Variants in COPG2 observed in about 807,000 individuals in gnomAD.
COPG2 encodes coat protein complex I subunit gamma 2.
Under a neutral mutation model 46.3 loss-of-function variants are expected in COPG2, and 37 were observed. The ratio of observed to expected loss-of-function variants is 0.80; its 90% CI spans 0.61 to 1.05. The LOEUF (loss-of-function observed/expected upper bound fraction) is 1.05, where lower values mean the gene tolerates loss of function less well. COPG2 is among the 50% of genes least tolerant of loss of function. COPG2 has a pLI of 0.00. For missense variants in COPG2, 427 were observed against 387.8 expected, an observed-to-expected ratio of 1.10 and a Z score of -0.85; for synonymous variants, 159 against 129.7, an observed-to-expected ratio of 1.23 and a Z score of -1.53.
chr7:130,514,395 T>G (rs564773268), intron 20 of COPG2, among the ~76,000 whole-genome samples: 1 of 152,256 alleles, frequency 6.6e-6, no homozygotes, highest in African/African-American at 2.4e-5. Context: ...CTCTATATAA[T>G]TAAGGGAGGG....
intron 9 of COPG2, among the ~76,000 whole-genome samples, chr7:130,594,898 C>T (rs140516832): frequency 3.3e-5 from 5 of 152,262 alleles, no homozygotes; most frequent in African/African-American, 1.2e-4. Flanking sequence ...AAATTGGGCT[C>T]TCAAACACTA....
At chr7:130,648,986 GCT>G (rs1795677209) in intron 5 of COPG2, among the ~76,000 whole-genome samples, 1 of 152,038 alleles carries the variant, frequency 6.6e-6, no homozygotes, top group African/African-American at 2.4e-5. Context: ...TCTCTCTCTA[GCT>G]CTGAGTTGCT....
At chr7:130,612,752 TG>T (rs1388509723) in intron 7 of COPG2, among the ~76,000 whole-genome samples, 2 of 151,652 alleles carry the variant, frequency 1.3e-5, no homozygotes, top group African/African-American at 4.8e-5. Context: ...GAAAGAAAAA[TG>T]TATTACTAAA....
At chr7:130,652,718 A>G (rs1795772402) in intron 5 of COPG2, 151 bp downstream of exon 5, 2 of 627,394 alleles carry the variant, frequency 3.2e-6, no homozygotes, top group East Asian at 3.0e-5. Flanking sequence ...TGGCTTTCAC[A>G]TGATGAAAAC....
chr7:130,617,044 T>A lies in COPG2; in HGVS notation c.345A>T (p.Gly115=). Residue 115 remains glycine (G), a synonymous_variant, in exon 6 of 24, where the codon GGA becomes GGT. Coordinates refer to ENST00000425248, the MANE Select transcript of COPG2 (RefSeq NM_012133.6). ...VTSSLTKDMT[G]KEDVYRGPAI... is the part of the protein sequence containing the mutation. ...CCGGGCCTCGGTATACATCTTCTTT[T>A]CCAGTCATGTCTTTAGTCAGACTAA... The A allele has an allele frequency of 6.2e-7, 1 of 1,610,196 alleles. No homozygotes were observed. Among genetic ancestry groups the A allele is most frequent in the Non-Finnish European group, 8.5e-7 (1 of 1,177,310 alleles).
intron 9 of COPG2, among the ~76,000 whole-genome samples, chr7:130,593,003 G>A (rs1554449238): frequency 6.6e-6 from 1 of 152,222 alleles, no homozygotes; most frequent in East Asian, 1.9e-4. Flanking sequence ...TAGAAAGAAT[G>A]GGCAATGTGG....
At chr7:130,597,105 C>T (rs1794543639) in intron 9 of COPG2, among the ~76,000 whole-genome samples, 1 of 152,180 alleles carries the variant, frequency 6.6e-6, no homozygotes, top group South Asian at 2.1e-4. Context: ...AATGGGACAC[C>T]AGATACCCTG....
chr7:130,558,666 G>A (rs1299442751), intron 12 of COPG2, among the ~76,000 whole-genome samples: 1 of 152,034 alleles, frequency 6.6e-6, no homozygotes, highest in African/African-American at 2.4e-5. Flanking sequence ...GATTATAGGT[G>A]TGCACCACCA....
chr7:130,530,388 G>A (rs1799812481), intron 20 of COPG2, among the ~76,000 whole-genome samples: 1 of 152,188 alleles, frequency 6.6e-6, no homozygotes, highest in Middle Eastern at 3.2e-3. Context: ...AAAGAAAGAA[G>A]AGGAGAAAAG....
At chr7:130,665,157 G>A (rs1387747708) in intron 3 of COPG2, among the ~76,000 whole-genome samples, 1 of 152,118 alleles carries the variant, frequency 6.6e-6, no homozygotes, top group Non-Finnish European at 1.5e-5. Flanking sequence ...CTCCAGCCTG[G>A]TAACAGAGCG....
chr7:130,630,180 G>A (rs1427158565), intron 5 of COPG2, among the ~76,000 whole-genome samples: 7 of 151,930 alleles, frequency 4.6e-5, no homozygotes, highest in African/African-American at 1.7e-4. Context: ...CAAAGTGCTG[G>A]GATTACAGGT....
rs1795011233 is a variant in COPG2, at chr7:130,620,033, AT to A, written c.324-2969del. Among the ~76,000 whole-genome samples, 3 of 152,304 alleles carry A rather than the reference AT, an allele frequency of 2.0e-5. No individual in the cohort carries two copies. The South Asian group carries it at 6.2e-4, about 32-fold the overall frequency. On this transcript the variant is annotated intron_variant, in intron 5 of 23. Coordinates refer to ENST00000425248, the MANE Select transcript of COPG2 (RefSeq NM_012133.6). ...TGTTGGTGTCAGTCATTCTGTTACA[AT>A]TTTTATTGGAATACAGTATGCTATT...
chr7:130,508,369 A>C (rs1244997112), intron 21 of COPG2, 193 bp downstream of exon 21: 3 of 477,910 alleles, frequency 6.3e-6, no homozygotes, highest in African/African-American at 2.0e-5. Flanking sequence ...GGTAAATCTC[A>C]ATTCTCTCTG....
intron 5 of COPG2, chr7:130,645,075 A>C (rs868907784): frequency 1.3e-4 from 48 of 372,334 alleles, no homozygotes; most frequent in Middle Eastern, 1.8e-3. Context: ...AAACAAAAAA[A>C]AAAAAAAAAA....
intron 20 of COPG2, among the ~76,000 whole-genome samples, chr7:130,536,685 C>T (rs879061013): frequency 0.8 from 121,710 of 151,444 alleles, 49,081 homozygotes; most frequent in East Asian, 0.88. Flanking sequence ...TCAAGACTGT[C>T]AGGTGTGGGA....
intron 20 of COPG2, among the ~76,000 whole-genome samples, chr7:130,524,652 C>T (rs1799757122): frequency 6.6e-6 from 1 of 152,024 alleles, no homozygotes; most frequent in African/African-American, 2.4e-5. Context: ...GGACTTTACC[C>T]CAGATGGGGC....
rs1013690200 is a variant in COPG2, at chr7:130,523,986, G to A, written c.2150-15327C>T. Among the ~76,000 whole-genome samples the A allele has an allele frequency of 9.2e-3, 1,398 of 152,194 alleles. 19 individuals carry two copies. Among genetic ancestry groups the A allele is most frequent in the African/African-American group, 0.033 (1,356 of 41,492 alleles). ...GGCAGGGGGATGAGGGTGGGTAGGT[G>A]GAGGCGGGACAGGAGTGAGCGCTGA... On this transcript the variant is annotated intron_variant, in intron 20 of 23. Transcript: ENST00000425248.
chr7:130,540,691 C>T (rs1799926876), intron 20 of COPG2, among the ~76,000 whole-genome samples: 1 of 151,948 alleles, frequency 6.6e-6, no homozygotes, highest in Non-Finnish European at 1.5e-5. Flanking sequence ...AGTTAAATGG[C>T]AAGTACTAGA....
chr7:130,571,070 A>T (rs1554445479), intron 9 of COPG2, among the ~76,000 whole-genome samples: 1 of 152,226 alleles, frequency 6.6e-6, no homozygotes, highest in Non-Finnish European at 1.5e-5. Flanking sequence ...CAAAGACTTA[A>T]ATCTAAGACC....
Sources: allele counts gnomAD v4.1 joint callset (sites outside exome capture counted in the v4.1 genomes callset), GRCh38; gene constraint gnomAD v4.1.1; transcripts MANE v1.5; gene names NCBI Gene and HGNC (gene_info 2026-07-23, HGNC 2026-07-21).